AKT3: variants seen among roughly 807,000 people sequenced by gnomAD.
AKT3 encodes RAC-gamma serine/threonine-protein kinase.
A neutral mutation model predicts 65.3 loss-of-function variants in AKT3; 15 were observed. The observed-to-expected ratio is 0.23, with a 90% CI of 0.15 to 0.35. The LOEUF (loss-of-function observed/expected upper bound fraction) is 0.35. Ranked by LOEUF, AKT3 falls within the 10% of genes least tolerant of loss-of-function variation. The pLI, the probability that AKT3 is intolerant of heterozygous loss-of-function variation, is 1.00. For missense variants in AKT3, 243 were observed against 576.5 expected, an observed-to-expected ratio of 0.42 and a Z score of 5.92; for synonymous variants, 206 against 183.8, an observed-to-expected ratio of 1.12 and a Z score of -0.98.
intron 2 of AKT3, chr1:243,739,401 G>C (rs1202668291): frequency 6.6e-6 from 1 of 152,086 alleles, no homozygotes; most frequent in Non-Finnish European, 1.5e-5. Flanking sequence ...AATAACTTAT[G>C]TGAAATGTAG....
At chr1:243,664,135 A>G (rs1682593113) in intron 4 of AKT3, among the ~76,000 whole-genome samples, 1 of 151,788 alleles carries the variant, frequency 6.6e-6, no homozygotes, top group Non-Finnish European at 1.5e-5. Flanking sequence ...AAGTATGAAT[A>G]CAATCAATTA....
intron 8 of AKT3, among the ~76,000 whole-genome samples, chr1:243,584,616 G>C (rs1271955754): frequency 6.6e-6 from 1 of 152,110 alleles, no homozygotes; most frequent in African/African-American, 2.4e-5. Context: ...TCATTCCTGG[G>C]ATGCAAGGGT....
At chr1:243,708,995 T>TC (rs970852485) in intron 2 of AKT3, among the ~76,000 whole-genome samples, 26 of 152,004 alleles carry the variant, frequency 1.7e-4, no homozygotes, top group African/African-American at 6.0e-4. Context: ...ATAAGGATTA[T>TC]CCATTCTAGA....
chr1:243,670,855 A>T (rs1683109188), intron 3 of AKT3, among the ~76,000 whole-genome samples: 1 of 152,190 alleles, frequency 6.6e-6, no homozygotes, highest in African/African-American at 2.4e-5. Context: ...CAAAGTCTGT[A>T]CAAAGCTGTA....
chr1:243,556,006 G>A (rs1353615889), intron 10 of AKT3, among the ~76,000 whole-genome samples: 4 of 152,020 alleles, frequency 2.6e-5, no homozygotes, highest in Non-Finnish European at 4.4e-5. Context: ...GATGAAAGAG[G>A]AGATTTGGAA....
At chr1:243,526,210 A>G (rs916355356) in intron 12 of AKT3, among the ~76,000 whole-genome samples, 2 of 152,274 alleles carry the variant, frequency 1.3e-5, no homozygotes, top group South Asian at 2.1e-4. Flanking sequence ...GAGAGGAAAG[A>G]TGAAATGGAA....
At chr1:243,560,571 TTGAA>T (rs1167629732) in intron 10 of AKT3, among the ~76,000 whole-genome samples, 1 of 152,124 alleles carries the variant, frequency 6.6e-6, no homozygotes, top group Admixed American at 6.6e-5. Context: ...GTGTCCAGAT[TTGAA>T]TTATGAATCA....
intron 2 of AKT3, among the ~76,000 whole-genome samples, chr1:243,781,596 C>A (rs911391692): frequency 6.6e-6 from 1 of 152,120 alleles, no homozygotes; most frequent in Non-Finnish European, 1.5e-5. Flanking sequence ...TTTACAATAT[C>A]AAATCTTTAT....
At chr1:243,553,428 C>T (rs970357596) in intron 10 of AKT3, among the ~76,000 whole-genome samples, 6 of 152,062 alleles carry the variant, frequency 3.9e-5, no homozygotes, top group Admixed American at 3.9e-4. Flanking sequence ...TAAACAAAGG[C>T]AATGTAATGG....
At chr1:243,828,593 T>C (rs1297515310) in intron 2 of AKT3, among the ~76,000 whole-genome samples, 3 of 152,204 alleles carry the variant, frequency 2.0e-5, no homozygotes, top group East Asian at 3.8e-4. Context: ...AAGACCTTTA[T>C]GATGATCCAC....
intron 2 of AKT3, among the ~76,000 whole-genome samples, chr1:243,779,575 A>G (rs1690775961): frequency 6.6e-6 from 1 of 152,170 alleles, no homozygotes; most frequent in African/African-American, 2.4e-5. Flanking sequence ...TAAATAATTA[A>G]CCAAAATACA....
Position 243,843,190 on chromosome 1 carries a change from C to T in AKT3, c.-20G>A. 1 of 1,610,466 alleles carries T rather than the reference C, an allele frequency of 6.2e-7. No individual in the cohort carries two copies. The highest frequency in any genetic ancestry group is 1.1e-5 in the South Asian group (1 of 90,236). Reference sequence around the variant, plus strand: ...GCTCATGATGACTCCCCTCTGAGCCCCCAACTTGGAGAAATGGTACTTTGT... The same window carrying T: ...GCTCATGATGACTCCCCTCTGAGCCTCCAACTTGGAGAAATGGTACTTTGT... On this transcript the variant is annotated 5_prime_UTR_variant, in exon 2 of 14. Coordinates refer to ENST00000673466, the MANE Select transcript of AKT3 (RefSeq NM_005465.7).
intron 8 of AKT3, among the ~76,000 whole-genome samples, chr1:243,607,674 G>A (rs1036044277): frequency 6.6e-6 from 1 of 152,186 alleles, no homozygotes; most frequent in African/African-American, 2.4e-5. Flanking sequence ...CTGTTGGAAA[G>A]GCATGATTGT....
At position 243,531,044 on chromosome 1, in the gene AKT3, C is replaced by T. The variant is rs922110961; in HGVS notation, c.1251+14466G>A. On this transcript the variant is annotated intron_variant, in intron 12 of 13. Transcript: ENST00000673466. ...ATAGTTACTGCTAAATACCTACCTT[C>T]TTCCTACTCATTGATGTTCAACCAT... 2.0e-5 allele frequency among the ~76,000 whole-genome samples: 3 copies of T among 152,160 alleles called. No individual in the cohort carries two copies. In the South Asian group the frequency reaches 6.2e-4, roughly 32 times the overall value.
intron 2 of AKT3, among the ~76,000 whole-genome samples, chr1:243,732,818 T>C (rs998852619): frequency 3.9e-5 from 6 of 152,198 alleles, no homozygotes; most frequent in African/African-American, 1.2e-4. Flanking sequence ...GAGAGGAGAA[T>C]AGACTGCAAA....
chr1:243,777,511 T>C (rs2148297220), intron 2 of AKT3, among the ~76,000 whole-genome samples: 1 of 152,248 alleles, frequency 6.6e-6, no homozygotes, highest in African/African-American at 2.4e-5. Flanking sequence ...ATTAATAACA[T>C]TTGGAAGGAA....
At position 243,686,651 on chromosome 1, in the gene AKT3, A is replaced by ATT. The variant is rs143487611; in HGVS notation, c.172+8938_172+8939dup. ...TTTTCATATATATATATATATATAT[A>ATT]TTTTTTTTTTTTTTTTTTTTTTTTT... On this transcript the variant is annotated intron_variant, in intron 3 of 13. Coordinates refer to ENST00000673466, the MANE Select transcript of AKT3 (RefSeq NM_005465.7). Among the ~76,000 whole-genome samples, 36 of 23,526 alleles carry ATT rather than the reference A, an allele frequency of 1.5e-3. 5 individuals carry two copies. Among genetic ancestry groups the ATT allele is most frequent in the East Asian group, 4.3e-3 (4 of 924 alleles). The allele number at this position is 23,526 out of a possible 152,430, so 15.4% of individuals were successfully genotyped here.
Position 243,576,003 on chromosome 1 carries a change from C to A in AKT3, c.697-2955G>T, listed in dbSNP as rs189009316. Among the ~76,000 whole-genome samples, 13 of 152,052 alleles carry A rather than the reference C, an allele frequency of 8.5e-5. No homozygotes were observed. In the East Asian group the frequency reaches 2.3e-3, roughly 27 times the overall value. On this transcript the variant is annotated intron_variant, in intron 8 of 13. Transcript: ENST00000673466. ...TTGGTTAGGATCTTTACTAACATGA[C>A]AAGAGCATGAATTTTTTTTCTGTAG...
At chr1:243,752,040 T>C (rs953752700) in intron 2 of AKT3, among the ~76,000 whole-genome samples, 1 of 152,178 alleles carries the variant, frequency 6.6e-6, no homozygotes, top group Non-Finnish European at 1.5e-5. Flanking sequence ...GCTGTTGAGC[T>C]GGGTTAATGC....
Sources: allele counts gnomAD v4.1 joint callset (sites outside exome capture counted in the v4.1 genomes callset), GRCh38; gene constraint gnomAD v4.1.1; transcripts MANE v1.5; gene names NCBI Gene and HGNC (gene_info 2026-07-23, HGNC 2026-07-21).